Variants in ALDH8A1 observed in about 807,000 individuals in gnomAD.
ALDH8A1 encodes the protein aldehyde dehydrogenase 8 family member A1, also known as 2-aminomuconic semialdehyde dehydrogenase.
Under a neutral mutation model 43.3 loss-of-function variants are expected in ALDH8A1, and 39 were observed. The observed-to-expected ratio is 0.90, with a 90% CI of 0.70 to 1.18. The LOEUF is 1.18. Among genes scored for constraint, ALDH8A1 ranks in the 50% most tolerant of loss-of-function variants. ALDH8A1 has a pLI of 0.00. For missense variants in ALDH8A1, 605 were observed against 622.6 expected (o/e 0.97, Z 0.30); for synonymous variants, 233 against 243.5 (o/e 0.96, Z 0.40).
At chr6:134,947,472 A>G (rs774420054) in intron 1 of ALDH8A1, among the ~76,000 whole-genome samples, 9 of 152,172 alleles carry the variant, frequency 5.9e-5, no homozygotes, top group Non-Finnish European at 8.8e-5. Flanking sequence ...TTTGCAAACT[A>G]TCCATCTGAC....
intron 1 of ALDH8A1, among the ~76,000 whole-genome samples, chr6:134,949,055 A>T (rs889106798): frequency 6.6e-6 from 1 of 152,200 alleles, no homozygotes. Flanking sequence ...AAGAAAAAAA[A>T]TAGCAATGTT....
intron 1 of ALDH8A1, among the ~76,000 whole-genome samples, chr6:134,946,560 T>C (rs1773952130): frequency 6.6e-6 from 1 of 152,236 alleles, no homozygotes; most frequent in Non-Finnish European, 1.5e-5. Flanking sequence ...TTAAGCATAT[T>C]AGTCAGTTTA....
intron 6 of ALDH8A1, among the ~76,000 whole-genome samples, chr6:134,928,649 C>A (rs866427484): frequency 6.6e-6 from 1 of 152,212 alleles, no homozygotes; most frequent in South Asian, 2.1e-4. Flanking sequence ...TGACTAAGGA[C>A]GACACAATTG....
At chr6:134,948,450 T>G (rs1025898505) in intron 1 of ALDH8A1, among the ~76,000 whole-genome samples, 2 of 152,222 alleles carry the variant, frequency 1.3e-5, no homozygotes, top group Non-Finnish European at 2.9e-5. Flanking sequence ...GATTTGATCA[T>G]GACACATTGT....
At chr6:134,945,667 C>T (rs1283985531) in intron 1 of ALDH8A1, among the ~76,000 whole-genome samples, 1 of 152,134 alleles carries the variant, frequency 6.6e-6, no homozygotes, top group African/African-American at 2.4e-5. Context: ...CGGGCCCTGG[C>T]TCAGACTCAG....
intron 1 of ALDH8A1, among the ~76,000 whole-genome samples, chr6:134,945,334 G>A (rs1348113420): frequency 6.6e-6 from 1 of 152,162 alleles, no homozygotes; most frequent in Non-Finnish European, 1.5e-5. Flanking sequence ...AGGTTGCTCT[G>A]CCTGCTGCCT....
intron 5 of ALDH8A1, among the ~76,000 whole-genome samples, chr6:134,932,309 C>G (rs111240814): frequency 6.6e-6 from 1 of 152,150 alleles, no homozygotes; most frequent in South Asian, 2.1e-4. Flanking sequence ...CATGAATCCA[C>G]GCCAAGAAAT....
At chr6:134,941,865 GC>G (rs1227265332) in intron 3 of ALDH8A1, among the ~76,000 whole-genome samples, 2 of 151,836 alleles carry the variant, frequency 1.3e-5, no homozygotes, top group Non-Finnish European at 2.9e-5. Flanking sequence ...AAAAATCCTG[GC>G]ATGTGAATTT....
At chr6:134,934,074 AG>A (rs370410630) in intron 4 of ALDH8A1, among the ~76,000 whole-genome samples, 138 of 152,318 alleles carry the variant, frequency 9.1e-4, no homozygotes, top group Middle Eastern at 3.4e-3. Context: ...ACACTAGCTA[AG>A]GGCAGAAACA....
intron 6 of ALDH8A1, among the ~76,000 whole-genome samples, chr6:134,926,276 T>C (rs1776881868): frequency 7.0e-6 from 1 of 141,976 alleles, no homozygotes; most frequent in Non-Finnish European, 1.5e-5. Context: ...TGGCAGAAAC[T>C]GCAACCTCCA....
chr6:134,923,412 GTTT>G (rs1213672032), intron 6 of ALDH8A1, among the ~76,000 whole-genome samples: 1 of 151,782 alleles, frequency 6.6e-6, no homozygotes, highest in Non-Finnish European at 1.5e-5. Context: ...GTTTTCAAAA[GTTT>G]TTTTTAAAAG....
At position 134,929,213 on chromosome 6, in the gene ALDH8A1, AC is replaced by A; in HGVS notation, c.851del (p.Gly284ValfsTer21). The A allele has an allele frequency of 1.2e-6, 2 of 1,613,718 alleles. No homozygotes were observed. Among genetic ancestry groups the A allele is most frequent in the Non-Finnish European group, 1.7e-6 (2 of 1,179,840 alleles). ...TCCTGCTGGTACAGAGACAGATTTC[AC>A]CCTGCCAAGAATGAGAACAGGGATA... ...ATVRSSFANQ[G>X]EICLCTSRIF... On this transcript the variant is annotated frameshift_variant and splice_region_variant, in exon 6 of 7. Coordinates refer to ENST00000265605, the MANE Select transcript of ALDH8A1 (RefSeq NM_022568.4). LOFTEE classifies it high-confidence loss of function.
intron 1 of ALDH8A1, among the ~76,000 whole-genome samples, chr6:134,946,787 C>T (rs5012874): frequency 0.053 from 3,798 of 72,180 alleles, 95 homozygotes; most frequent in African/African-American, 0.11. Context: ...TGTGCGCGCG[C>T]GCACAGGTGC....
chr6:134,940,352 C>T (rs374837326), intron 3 of ALDH8A1: 11 of 195,256 alleles, frequency 5.6e-5, no homozygotes, highest in Middle Eastern at 2.0e-3. Context: ...ATTATTTTAA[C>T]GGTCTGGCTG....
intron 1 of ALDH8A1, 125 bp downstream of exon 1, chr6:134,949,791 C>G: frequency 5.4e-6 from 6 of 1,111,856 alleles, no homozygotes; most frequent in Non-Finnish European, 7.3e-6. Context: ...GAACTAGAAT[C>G]TTCCTTCTAT....
intron 6 of ALDH8A1, among the ~76,000 whole-genome samples, chr6:134,922,675 A>C (rs1157053592): frequency 2.0e-5 from 3 of 152,180 alleles, no homozygotes; most frequent in Non-Finnish European, 4.4e-5. Flanking sequence ...GGCATGAGCC[A>C]CTGCACCTGA....
Position 134,942,565 on chromosome 6 carries a change from C to T in ALDH8A1, c.287-1G>A. On this transcript the variant is annotated splice_acceptor_variant, in intron 2 of 6. Coordinates refer to ENST00000265605, the MANE Select transcript of ALDH8A1 (RefSeq NM_022568.4). LOFTEE classifies it high-confidence loss of function. ...GTTCTTGCCAGTGCTAAGGTTTTCC[C>T]TGTAAGAAGCAAACAACATAAAGCA... is the stretch of plus-strand genomic sequence containing the variant. 1 of 1,612,660 alleles carries T rather than the reference C, an allele frequency of 6.2e-7. No individual in the cohort carries two copies. The highest frequency in any genetic ancestry group is 8.5e-7 in the Non-Finnish European group (1 of 1,179,078).
intron 5 of ALDH8A1, among the ~76,000 whole-genome samples, chr6:134,931,109 A>C (rs1776978660): frequency 6.6e-6 from 1 of 152,204 alleles, no homozygotes; most frequent in Non-Finnish European, 1.5e-5. Context: ...GTGACCTTGG[A>C]TTAGCCAATT....
chr6:134,931,682 C>T (rs190469462), intron 5 of ALDH8A1, among the ~76,000 whole-genome samples: 1 of 152,288 alleles, frequency 6.6e-6, no homozygotes. Context: ...TAAATGTTCA[C>T]CTGAAACTTG....
Sources: allele counts gnomAD v4.1 joint callset (sites outside exome capture counted in the v4.1 genomes callset), GRCh38; gene constraint gnomAD v4.1.1; transcripts MANE v1.5; gene names NCBI Gene and HGNC (gene_info 2026-07-23, HGNC 2026-07-21).